Variants in ARHGAP4 observed in about 807,000 individuals in gnomAD.
ARHGAP4 encodes the protein rho GTPase-activating protein 4.
A neutral mutation model predicts 67.6 loss-of-function variants in ARHGAP4; 25 were observed. That is an observed-to-expected ratio of 0.37 (90% CI 0.27 to 0.52). The LOEUF (loss-of-function observed/expected upper bound fraction) is 0.52, where lower values mean the gene tolerates loss of function less well. Ranked by LOEUF, ARHGAP4 falls within the 20% of genes least tolerant of loss-of-function variation. The pLI, the probability that ARHGAP4 is intolerant of heterozygous loss-of-function variation, is 0.92. For synonymous variants in ARHGAP4, 448 were observed against 373.7 expected, an observed-to-expected ratio of 1.20 and a Z score of -2.29; for missense variants, 804 against 854.6, an observed-to-expected ratio of 0.94 and a Z score of 0.74.
chrX:153,922,246 G>A (rs2065100833), intron 1 of ARHGAP4: 22 of 817,977 alleles, frequency 2.7e-5, no homozygotes, highest in Non-Finnish European at 3.1e-5. Context: ...GCAAACACAC[G>A]GATACACAAC....
Position 153,910,530 on chromosome X carries a change from C to T in ARHGAP4, c.1898G>A (p.Arg633His), listed in dbSNP as rs1557102825. The stretch of plus-strand genomic sequence containing the variant: ...CTGGTTGAGGAAGGTGAAGAGGTAG[C>T]GCAGAACCACCAGCACCGGCGCGGG... ...RLPAPVLVVL[R>H]YLFTFLNHLA... is the part of the protein sequence containing the mutation. Residue 633 changes from arginine (R) to histidine (H), a missense_variant, in exon 16 of 22, where the codon CGC (arginine) becomes CAC (histidine). By Grantham distance (29) the Arg-to-His change is conservative. Around this residue, in one of 2 missense-constraint regions of ARHGAP4, gnomAD observed 400 missense variants for 348.7 expected, o/e 1.15. Coordinates refer to ENST00000350060, the MANE Select transcript of ARHGAP4 (RefSeq NM_001666.5). 3 of 1,206,286 alleles carry T rather than the reference C, an allele frequency of 2.5e-6. No homozygotes were observed. Among genetic ancestry groups the T allele is most frequent in the Non-Finnish European group, 3.4e-6 (3 of 894,455 alleles).
chrX:153,922,745 G>T (rs782734260), intron 1 of ARHGAP4, among the ~76,000 whole-genome samples: 1 of 112,301 alleles, frequency 8.9e-6, no homozygotes, highest in Non-Finnish European at 1.9e-5. Flanking sequence ...GGAGGGACAT[G>T]AATTGATGTC....
intron 12 of ARHGAP4, among the ~76,000 whole-genome samples, chrX:153,912,137 CTCTT>C (rs781995655): frequency 8.4e-5 from 9 of 106,884 alleles, no homozygotes; most frequent in South Asian, 4.2e-4. Flanking sequence ...CTCTCTCTCT[CTCTT>C]TCTTTCTTTC....
Position 153,921,139 on chromosome X carries a change from C to T in ARHGAP4, c.456G>A (p.Gln152=). 2 of 1,203,463 alleles carry T rather than the reference C, an allele frequency of 1.7e-6. No homozygotes were observed. Among genetic ancestry groups the T allele is most frequent in the Non-Finnish European group, 2.2e-6 (2 of 890,951 alleles). Residue 152 remains glutamine, a synonymous_variant, in exon 4 of 22, where the codon CAG becomes CAA. Coordinates refer to ENST00000350060, the MANE Select transcript of ARHGAP4 (RefSeq NM_001666.5). ...LVKKSRDLEQ[Q]LQDELLEVVS... Reference sequence around the variant, plus strand: ...CCACCTCCAGGAGCTCATCCTGCAGCTGCTGCTCCAGATCCCTGCTCTAGA... The same window carrying T: ...CCACCTCCAGGAGCTCATCCTGCAGTTGCTGCTCCAGATCCCTGCTCTAGA...
At chrX:153,924,399 C>CG (rs2065114514) in intron 1 of ARHGAP4, among the ~76,000 whole-genome samples, 1 of 111,824 alleles carries the variant, frequency 8.9e-6, no homozygotes, top group Admixed American at 9.5e-5. Flanking sequence ...GCAGAGCTTT[C>CG]GGATCTCAGT....
intron 1 of ARHGAP4, among the ~76,000 whole-genome samples, chrX:153,923,305 C>T (rs181787436): frequency 0.015 from 1,642 of 111,746 alleles, 21 homozygotes; most frequent in Middle Eastern, 0.028. Flanking sequence ...GGATTTCTGT[C>T]CCGCCAGTGA....
rs2065013655 is a variant in ARHGAP4 at position 153,910,696 on chromosome X, T to C, written c.1816+4A>G. 1 of 1,192,739 alleles carries C rather than the reference T, an allele frequency of 8.4e-7. No individual in the cohort carries two copies. Among genetic ancestry groups the C allele is most frequent in the Non-Finnish European group, 1.1e-6 (1 of 885,749 alleles). On this transcript the variant is annotated splice_donor_region_variant and intron_variant, in intron 15 of 21. Transcript: ENST00000350060. ...ACCCCGCCAGCCTCAGGCCCCAGCC[T>C]CACCCGAAGAAGCCAGCAGCTCGCC...
rs782267882 is a variant in ARHGAP4, at chrX:153,921,110, G to A, written c.485C>T (p.Ser162Leu). The A allele has an allele frequency of 1.7e-6, 2 of 1,203,998 alleles. No homozygotes were observed. Among genetic ancestry groups the A allele is most frequent in the Admixed American group, 2.2e-5 (1 of 45,460 alleles). ...CCCTTTCCTCACCGTCTGGAGCTCT[G>A]AGACCACCTCCAGGAGCTCATCCTG... ...QLQDELLEVV[S>L]ELQTAKKTYQ... The change falls in exon 4 of 22, where the codon TCA becomes TTA. Residue 162 changes from serine (S) to leucine (L), a missense_variant. Physicochemically the swap from Ser to Leu is moderately radical, Grantham distance 145. Transcript: ENST00000350060.
intron 12 of ARHGAP4, among the ~76,000 whole-genome samples, chrX:153,911,954 G>A (rs183971909): frequency 1.4e-3 from 155 of 110,327 alleles, no homozygotes; most frequent in African/African-American, 5.0e-3. Flanking sequence ...CAAAGTGCTC[G>A]TTTAAAGAAT....
At chrX:153,918,712 G>A (rs373545774) in intron 7 of ARHGAP4, 120 bp downstream of exon 7, 4 of 782,945 alleles carry the variant, frequency 5.1e-6, no homozygotes, top group African/African-American at 2.1e-5. Flanking sequence ...TCTAGCTGCC[G>A]CACTGCCTGA....
Position 153,921,673 on chromosome X carries a change from T to C in ARHGAP4, c.204A>G (p.Glu68=). ...GGCTGGAGAAGCGCTCGGCCAGCTT[T>C]TCCAGGCCCCGGGAGTATTCCAGCT... is the stretch of plus-strand genomic sequence containing the variant. The part of the protein sequence containing the change: ...EVELEYSRGL[E]KLAERFSSRG... Residue 68 remains glutamate (E), a synonymous_variant, in exon 2 of 22, where the codon GAA becomes GAG. Coordinates refer to ENST00000350060, the MANE Select transcript of ARHGAP4 (RefSeq NM_001666.5). The C allele has an allele frequency of 3.3e-6, 4 of 1,209,382 alleles. No homozygotes were observed. The highest frequency in any genetic ancestry group is 4.5e-6 in the Non-Finnish European group (4 of 894,661).
chrX:153,912,863 C>T lies in ARHGAP4; in HGVS notation c.1440-61G>A, dbSNP rs182260926. 436 of 1,110,265 alleles carry T rather than the reference C, an allele frequency of 3.9e-4. No homozygotes were observed. In the African/African-American group the frequency reaches 6.4e-3, roughly 16 times the overall value. The allele number at this position is 1,110,265 out of a possible 1,213,427, so 91.5% of individuals were successfully genotyped here. On this transcript the variant is annotated intron_variant, in intron 11 of 21. Transcript: ENST00000350060. ...GTGTGGAGAATAGGGTGCCCCACCC[C>T]CCAGGCCAGCCAAGCCGGCCTCTAA...
chrX:153,913,427 G>C lies in ARHGAP4; in HGVS notation c.1308C>G (p.Thr436=). ...TCCCCACCGTGAGGTAGAAGGTTTC[G>C]GTCTCCTGCTGCTGGCCGCGCCTCC... is the stretch of plus-strand genomic sequence containing the variant. ...AGRRRGQQQE[T]ETFYLTKLQE... The change falls in exon 9 of 22, where the codon ACC becomes ACG. Residue 436 remains threonine, a synonymous_variant. Transcript: ENST00000350060. 1.7e-6 allele frequency: 2 copies of C among 1,210,565 alleles called. No homozygotes were observed. The highest frequency in any genetic ancestry group is 3.0e-5 in the East Asian group (1 of 33,829).
chrX:153,914,255 G>C, intron 7 of ARHGAP4: 1 of 228,542 alleles, frequency 4.4e-6, no homozygotes. Flanking sequence ...AGTGGGGCTG[G>C]AGAGGAGAAC....
At position 153,909,766 on chromosome X, in the gene ARHGAP4, G is replaced by C; in HGVS notation, c.2389C>G (p.His797Asp). ...CCGGCGGGCAGCGTGATATACTTGT[G>C]GGGGATGAGGCCCCGCATGCCGTTG... ...EHNGMRGLIP[H>D]KYITLPAGTE... Residue 797 changes from histidine (H) to aspartate (D), a missense_variant, in exon 19 of 22, where the codon CAC becomes GAC. By Grantham distance (81) the His-to-Asp change is moderately conservative (BLOSUM62 -1). Around this residue, in one of 2 missense-constraint regions of ARHGAP4, gnomAD observed 400 missense variants for 348.7 expected, o/e 1.15. Transcript: ENST00000350060. 8.3e-7 allele frequency: 1 copy of C among 1,200,239 alleles called. No homozygotes were observed. The highest frequency in any genetic ancestry group is 1.1e-6 in the Non-Finnish European group (1 of 890,502).
intron 1 of ARHGAP4, among the ~76,000 whole-genome samples, chrX:153,925,594 C>T (rs782178801): frequency 8.9e-6 from 1 of 112,787 alleles, no homozygotes; most frequent in East Asian, 2.8e-4. Context: ...CCTGTTAAAT[C>T]TCTCAACCAA....
rs781912603 is a variant in ARHGAP4, at chrX:153,910,789, G to A, written c.1727C>T (p.Ser576Leu). Reference protein sequence around the residue: ...VEGCTAHDLDSVAGVLKLYFR... With the variant: ...VEGCTAHDLDLVAGVLKLYFR... ...GTAGAGCTTCAGCACCCCGGCCACCGAGTCCAGGTCATGGGCAGTGCAGCC... is the reference window on the plus strand; with the variant it reads ...GTAGAGCTTCAGCACCCCGGCCACCAAGTCCAGGTCATGGGCAGTGCAGCC... Residue 576 changes from serine to leucine, a missense_variant, in exon 15 of 22, where the codon TCG becomes TTG. By Grantham distance (145) the Ser-to-Leu change is moderately radical (BLOSUM62 -2). Around this residue, in one of 2 missense-constraint regions of ARHGAP4, gnomAD observed 400 missense variants for 348.7 expected, o/e 1.15. Transcript: ENST00000350060. 16 of 1,190,418 alleles carry A rather than the reference G, an allele frequency of 1.3e-5. No homozygotes were observed. Among genetic ancestry groups the A allele is most frequent in the East Asian group, 3.0e-5 (1 of 33,167 alleles).
chrX:153,913,972 G>A, intron 7 of ARHGAP4, 93 bp from the exon 8 acceptor site: 1 of 810,164 alleles, frequency 1.2e-6, no homozygotes, highest in East Asian at 3.4e-5. Context: ...ACCCTTTTGT[G>A]GCCTGGCGGC....
rs1272344791 is a variant in ARHGAP4 at position 153,910,035 on chromosome X, G to A, written c.2207C>T (p.Ala736Val). 10 of 1,209,955 alleles carry A rather than the reference G, an allele frequency of 8.3e-6. No homozygotes were observed. The highest frequency in any genetic ancestry group is 1.0e-5 in the Non-Finnish European group (9 of 895,235). ...LGADNEPELE[A>V]EMPAQEDDLE... ...ACCATCCTCCTGTGCGGGCATCTCG[G>A]CTTCCAGCTCCGGCTCATTGTCCGC... Residue 736 changes from alanine (A) to valine (V), a missense_variant, in exon 18 of 22, where the codon GCC becomes GTC. Transcript: ENST00000350060.
Sources: allele counts gnomAD v4.1 joint callset (sites outside exome capture counted in the v4.1 genomes callset), GRCh38; gene constraint gnomAD v4.1.1; regional missense constraint gnomAD v4.1.1; transcripts MANE v1.5; gene names NCBI Gene and HGNC (gene_info 2026-07-23, HGNC 2026-07-21).